Variants in TANC2 observed in about 807,000 individuals in gnomAD.
TANC2 encodes protein TANC2.
In TANC2, 26 loss-of-function variants were observed where a neutral mutation model predicts 210.5. The observed-to-expected ratio is 0.12, with a 90% confidence interval of 0.09 to 0.17. The LOEUF is 0.17. Among genes scored for constraint, TANC2 ranks in the 10% least tolerant of loss-of-function variants. TANC2 has a pLI of 1.00. For missense variants in TANC2, 2,129 were observed against 2,608.9 expected, an observed-to-expected ratio of 0.82 and a Z score of 4.01; for synonymous variants, 931 against 967.1, an observed-to-expected ratio of 0.96 and a Z score of 0.69.
At chr17:63,017,369 A>G (rs2034153851) in intron 2 of TANC2, among the ~76,000 whole-genome samples, 1 of 152,234 alleles carries the variant, frequency 6.6e-6, no homozygotes, top group African/African-American at 2.4e-5. Context: ...AAATGATACA[A>G]ATGTATGGGC....
chr17:63,199,647 T>C (rs1406185094), intron 6 of TANC2, among the ~76,000 whole-genome samples: 2 of 152,104 alleles, frequency 1.3e-5, no homozygotes, highest in Non-Finnish European at 2.9e-5. Flanking sequence ...AAAATGTTTT[T>C]AGTGTTTGAA....
rs12945182 is a variant in TANC2 at position 63,218,022 on chromosome 17, C to T, written c.769+17065C>T. 2.6e-3 allele frequency among the ~76,000 whole-genome samples: 394 copies of T among 152,074 alleles called. 1 individual carries two copies. The highest frequency in any genetic ancestry group is 3.8e-3 in the Non-Finnish European group (257 of 67,970). On this transcript the variant is annotated intron_variant, in intron 7 of 27. Transcript: ENST00000689528. ...AGCATTGGTTAGGCACGGTGGCTCA[C>T]GCCGTAATACCAGCACTTTGGGAGG...
At chr17:63,289,185 C>T (rs2044311703) in intron 9 of TANC2, among the ~76,000 whole-genome samples, 1 of 152,106 alleles carries the variant, frequency 6.6e-6, no homozygotes, top group African/African-American at 2.4e-5. Context: ...GGTTGATGTT[C>T]TCCGACCATC....
At chr17:63,148,938 T>G (rs1254129699) in intron 4 of TANC2, 1 of 152,166 alleles carries the variant, frequency 6.6e-6, no homozygotes, top group Non-Finnish European at 1.5e-5. Flanking sequence ...TGACACTAGT[T>G]TTCTGTGACT....
chr17:63,058,614 G>A (rs771768392), intron 2 of TANC2, among the ~76,000 whole-genome samples: 4 of 152,068 alleles, frequency 2.6e-5, no homozygotes, highest in Non-Finnish European at 5.9e-5. Flanking sequence ...TGTAAGGAAG[G>A]GGTCCAGTTT....
chr17:63,178,053 C>T (rs1372323906), intron 5 of TANC2, among the ~76,000 whole-genome samples: 3 of 152,166 alleles, frequency 2.0e-5, no homozygotes, highest in African/African-American at 7.2e-5. Context: ...TGCCCTGGGC[C>T]AGGTGCGGTG....
rs754859782 is a variant in TANC2 at position 63,421,210 on chromosome 17, G to A, written c.5480G>A (p.Gly1827Asp). The A allele has an allele frequency of 5.6e-6, 9 of 1,613,862 alleles. No individual in the cohort carries two copies. Among genetic ancestry groups the A allele is most frequent in the African/African-American group, 2.7e-5 (2 of 74,906 alleles). Residue 1827 changes from glycine (G) to aspartate (D), a missense_variant, in exon 28 of 28, where the codon GGT becomes GAT. Transcript: ENST00000689528. This position sits in a 1 kb window ranked among gnomAD's most constrained non-coding sequence, Gnocchi z 6.9. ...CTGGAGCGCTCCTCCAGCCAACTAG[G>A]TTCCCCTGATGTGTCGCATTTAATC...
chr17:63,260,260 A>C (rs570264647), intron 8 of TANC2, among the ~76,000 whole-genome samples: 2 of 152,346 alleles, frequency 1.3e-5, no homozygotes, highest in South Asian at 2.1e-4. Context: ...AAATGAGAGG[A>C]TCTGAATAGA....
intron 9 of TANC2, among the ~76,000 whole-genome samples, chr17:63,278,933 A>T (rs1020795412): frequency 1.1e-4 from 16 of 152,156 alleles, no homozygotes; most frequent in Admixed American, 9.2e-4. Context: ...GGTTGCCAGG[A>T]GCTGGGGGAA....
intron 1 of TANC2, among the ~76,000 whole-genome samples, chr17:62,992,923 A>G (rs2032939136): frequency 6.6e-6 from 1 of 152,216 alleles, no homozygotes; most frequent in Non-Finnish European, 1.5e-5. Context: ...GCAAAAACTA[A>G]TGTTTTGGCA....
intron 9 of TANC2, among the ~76,000 whole-genome samples, chr17:63,274,369 A>C (rs907586422): frequency 6.6e-6 from 1 of 152,192 alleles, no homozygotes; most frequent in Non-Finnish European, 1.5e-5. Context: ...AAGAGCTTGA[A>C]TACTAATGAT....
intron 5 of TANC2, among the ~76,000 whole-genome samples, chr17:63,187,956 A>G (rs1013524574): frequency 2.0e-5 from 3 of 152,208 alleles, no homozygotes; most frequent in African/African-American, 7.2e-5. Context: ...TGAAAAATAC[A>G]TATTTCAAAA....
At chr17:63,261,349 T>G (rs1170471964) in intron 8 of TANC2, among the ~76,000 whole-genome samples, 1 of 152,134 alleles carries the variant, frequency 6.6e-6, no homozygotes. Flanking sequence ...AGTTACCACC[T>G]GTGGACCTGA....
At chr17:63,054,980 T>G (rs1293261348) in intron 2 of TANC2, among the ~76,000 whole-genome samples, 1 of 152,224 alleles carries the variant, frequency 6.6e-6, no homozygotes, top group Non-Finnish European at 1.5e-5. Flanking sequence ...TAAAACCTAG[T>G]ATTCTAGCAG....
At chr17:63,158,024 ACTGTAGTTATT>A (rs1304696594) in intron 5 of TANC2, among the ~76,000 whole-genome samples, 2 of 152,170 alleles carry the variant, frequency 1.3e-5, no homozygotes, top group Non-Finnish European at 2.9e-5. Context: ...TTTCATGTAT[ACTGTAGTTATT>A]GGGCATCTTT....
At chr17:63,075,994 T>C (rs1363040645) in intron 3 of TANC2, among the ~76,000 whole-genome samples, 2 of 152,058 alleles carry the variant, frequency 1.3e-5, no homozygotes, top group African/African-American at 4.8e-5. Flanking sequence ...CTGGAGAGTA[T>C]ATGAATAATT....
At chr17:63,240,361 G>A (rs1384805848) in intron 8 of TANC2, among the ~76,000 whole-genome samples, 2 of 152,154 alleles carry the variant, frequency 1.3e-5, no homozygotes, top group Non-Finnish European at 1.5e-5. Flanking sequence ...AGGGCTATGA[G>A]TCTTGGTCAC....
At chr17:63,064,136 G>T (rs1040846913) in intron 2 of TANC2, among the ~76,000 whole-genome samples, 49 of 152,184 alleles carry the variant, frequency 3.2e-4, no homozygotes, top group African/African-American at 1.2e-3. Flanking sequence ...AATTTGGGAG[G>T]TATAAGAATT....
At chr17:63,026,335 T>C (rs1434264209) in intron 2 of TANC2, among the ~76,000 whole-genome samples, 1 of 152,222 alleles carries the variant, frequency 6.6e-6, no homozygotes, top group Non-Finnish European at 1.5e-5. Context: ...AAGTACTTAG[T>C]AATATTTGTT....
Sources: allele counts gnomAD v4.1 joint callset (sites outside exome capture counted in the v4.1 genomes callset), GRCh38; gene constraint gnomAD v4.1.1; non-coding constraint Gnocchi (gnomAD v3.1); transcripts MANE v1.5; gene names NCBI Gene and HGNC (gene_info 2026-07-23, HGNC 2026-07-21).